The following CEP350 variants were observed in gnomAD, a reference collection of about 807,000 sequenced individuals.
CEP350 encodes the protein centrosomal protein 350, also known as centrosome-associated protein 350.
CEP350 carries 126 observed loss-of-function variants against 331.8 expected under a neutral mutation model. The observed-to-expected ratio is 0.38, with a 90% confidence interval of 0.33 to 0.44. The LOEUF is 0.44. CEP350 is among the 20% of genes least tolerant of loss of function. CEP350 has a pLI of 1.00. For missense variants in CEP350, 3,406 were observed against 3,634.6 expected, an observed-to-expected ratio of 0.94 and a Z score of 1.62; for synonymous variants, 1,200 against 1,259.5, an observed-to-expected ratio of 0.95 and a Z score of 1.00.
chr1:179,986,070 G>A, intron 1 of CEP350, 99 bp from the exon 2 acceptor site: 3 of 887,532 alleles, frequency 3.4e-6, no homozygotes, highest in Non-Finnish European at 5.2e-6. Context: ...ACATCCTAAT[G>A]GGTGTGAAGT....
intron 17 of CEP350, among the ~76,000 whole-genome samples, chr1:180,037,632 T>C (rs1037299078): frequency 6.6e-6 from 1 of 152,090 alleles, no homozygotes; most frequent in Non-Finnish European, 1.5e-5. Flanking sequence ...ATTTTAAGTG[T>C]ACAATTTTGA....
intron 26 of CEP350, among the ~76,000 whole-genome samples, chr1:180,063,186 C>CTTTT (rs35572192): frequency 2.1e-4 from 22 of 106,942 alleles, no homozygotes; most frequent in African/African-American, 2.9e-4. Context: ...AAATTTGAAA[C>CTTTT]TTTTTTTTTT....
chr1:180,010,957 AT>A (rs2148794376), intron 8 of CEP350, among the ~76,000 whole-genome samples: 1 of 151,466 alleles, frequency 6.6e-6, no homozygotes, highest in Admixed American at 6.6e-5. Flanking sequence ...TTCTATGTTT[AT>A]TTTTTGTAGT....
chr1:179,987,135 T>C, intron 2 of CEP350, 105 bp from the exon 3 acceptor site: 1 of 640,596 alleles, frequency 1.6e-6, no homozygotes, highest in Non-Finnish European at 2.7e-6. Flanking sequence ...ATAAGGTAGT[T>C]TTCAGACTTT....
chr1:180,114,566 A>G lies in CEP350; in HGVS notation c.*3405A>G, dbSNP rs1661590407. 6.5e-6 allele frequency: 1 copy of G among 152,672 alleles called. No individual in the cohort carries two copies. Among genetic ancestry groups the G allele is most frequent in the African/African-American group, 2.4e-5 (1 of 41,468 alleles). The allele number at this position is 152,672 out of a possible 1,614,324, so 9.5% of individuals were successfully genotyped here. On this transcript the variant is annotated 3_prime_UTR_variant, in exon 38 of 38. Transcript: ENST00000367607. ...TAGCTTTTCCTTCTGGACTTTGCAA[A>G]GCCTTCTTGGCAAACACATTGCAAA... is the stretch of plus-strand genomic sequence containing the variant.
At chr1:180,013,715 G>T in intron 9 of CEP350, 132 bp from the exon 10 acceptor site, 1 of 744,066 alleles carries the variant, frequency 1.3e-6, no homozygotes, top group East Asian at 2.8e-5. Context: ...ATTTTCTTCA[G>T]AAGACTGTAA....
intron 11 of CEP350, among the ~76,000 whole-genome samples, chr1:180,016,313 G>C (rs1654967483): frequency 6.6e-6 from 1 of 152,162 alleles, no homozygotes; most frequent in Non-Finnish European, 1.5e-5. Flanking sequence ...GGGTTTTTGT[G>C]TCTACTGCTA....
At chr1:179,985,583 T>A (rs961793379) in intron 1 of CEP350, among the ~76,000 whole-genome samples, 2 of 152,124 alleles carry the variant, frequency 1.3e-5, no homozygotes, top group Non-Finnish European at 2.9e-5. Flanking sequence ...TTTAATTGAT[T>A]TACAGCTCTG....
chr1:180,065,289 A>G lies in CEP350; in HGVS notation c.5567+17A>G. 1 of 1,595,702 alleles carries G rather than the reference A, an allele frequency of 6.3e-7. No individual in the cohort carries two copies. Among genetic ancestry groups the G allele is most frequent in the Admixed American group, 1.8e-5 (1 of 55,816 alleles). On this transcript the variant is annotated intron_variant, in intron 27 of 37. Coordinates refer to ENST00000367607, the MANE Select transcript of CEP350 (RefSeq NM_014810.5). Reference sequence around the variant, plus strand: ...GGATGAAAAGTATTTGTTTTTTATAAATATCTCTTGTTTAGTTACATTGAA... The same window carrying G: ...GGATGAAAAGTATTTGTTTTTTATAGATATCTCTTGTTTAGTTACATTGAA...
chr1:180,086,561 A>AT (rs60967302), intron 31 of CEP350, among the ~76,000 whole-genome samples: 1 of 143,408 alleles, frequency 7.0e-6, no homozygotes, highest in Non-Finnish European at 1.6e-5. Context: ...ATATATATAT[A>AT]AAATACATAG....
intron 5 of CEP350, among the ~76,000 whole-genome samples, chr1:179,993,727 G>A (rs1051486657): frequency 8.5e-5 from 13 of 152,124 alleles, no homozygotes; most frequent in African/African-American, 3.1e-4. Flanking sequence ...ACAGTTGTGA[G>A]CCACTGCGGC....
chr1:180,064,969 T>A, intron 26 of CEP350, 146 bp from the exon 27 acceptor site: 1 of 726,234 alleles, frequency 1.4e-6, no homozygotes, highest in Non-Finnish European at 2.0e-6. Context: ...TTTAAGTGTG[T>A]GATATATTTT....
In CEP350 at chr1:180,003,161, TG is replaced by T. The variant is rs1558091514; in HGVS notation, c.1019-11del. 2.2e-5 allele frequency: 34 copies of T among 1,525,024 alleles called. No homozygotes were observed. The East Asian group carries it at 7.4e-4, about 33-fold the overall frequency. The allele number at this position is 1,525,024 out of a possible 1,614,324, so 94.5% of individuals were successfully genotyped here. On this transcript the variant is annotated splice_polypyrimidine_tract_variant and intron_variant, in intron 6 of 37. Coordinates refer to ENST00000367607, the MANE Select transcript of CEP350 (RefSeq NM_014810.5). ...CTTTGATAAGAATATTCTGTGTTACTGGTATGTATTAGGTTTCAACCCTTCA... is the reference window on the plus strand; with the variant it reads ...CTTTGATAAGAATATTCTGTGTTACTGTATGTATTAGGTTTCAACCCTTCA...
At chr1:179,998,326 T>A (rs1289913019) in intron 6 of CEP350, among the ~76,000 whole-genome samples, 4 of 148,236 alleles carry the variant, frequency 2.7e-5, no homozygotes, top group Non-Finnish European at 4.5e-5. Flanking sequence ...TTTTTTTTTT[T>A]AAGACAGAGT....
chr1:179,993,843 T>A (rs562384503), intron 5 of CEP350, among the ~76,000 whole-genome samples: 12 of 152,326 alleles, frequency 7.9e-5, no homozygotes, highest in Non-Finnish European at 1.6e-4. Flanking sequence ...TTAAAACTCT[T>A]ATTACTTTCT....
At position 180,020,827 on chromosome 1, in the gene CEP350, G is replaced by T; in HGVS notation, c.3053G>T (p.Cys1018Phe). 1 of 1,613,120 alleles carries T rather than the reference G, an allele frequency of 6.2e-7. No individual in the cohort carries two copies. The highest frequency in any genetic ancestry group is 8.5e-7 in the Non-Finnish European group (1 of 1,179,730). Residue 1018 changes from cysteine to phenylalanine, a missense_variant, in exon 12 of 38, where the codon TGT becomes TTT. Around this residue, in one of 5 missense-constraint regions of CEP350, gnomAD observed 1,857 missense variants for 1,909.2 expected, o/e 0.97. Transcript: ENST00000367607. ...GAAATTTTAAAAGAAAAGGAATTTTGTCCTGGAGAAAGAAATAGTTATGAA... is the reference window on the plus strand; with the variant it reads ...GAAATTTTAAAAGAAAAGGAATTTTTTCCTGGAGAAAGAAATAGTTATGAA... ...VAEILKEKEF[C>F]PGERNSYEPI...
chr1:180,032,078 TTG>T (rs1656061319), intron 15 of CEP350, among the ~76,000 whole-genome samples: 1 of 152,114 alleles, frequency 6.6e-6, no homozygotes, highest in African/African-American at 2.4e-5. Flanking sequence ...ATTATGGAGC[TTG>T]CGTACTGTTT....
intron 5 of CEP350, 43 bp from the exon 6 acceptor site, chr1:179,996,510 T>G: frequency 2.2e-6 from 3 of 1,369,942 alleles, no homozygotes; most frequent in Non-Finnish European, 3.0e-6. Context: ...GTATACAATA[T>G]ATTATTAATC....
In CEP350 at chr1:180,031,505, T is replaced by G; in HGVS notation, c.3725+11T>G. On this transcript the variant is annotated intron_variant, in intron 15 of 37. Coordinates refer to ENST00000367607, the MANE Select transcript of CEP350 (RefSeq NM_014810.5). ...TGGACATTCTGTGAGGTAATGTATA[T>G]TTTATACTGTAATTTATATATAATT... 8.1e-7 allele frequency: 1 copy of G among 1,240,634 alleles called. No homozygotes were observed. Among genetic ancestry groups the G allele is most frequent in the Non-Finnish European group, 1.1e-6 (1 of 943,178 alleles). 76.9% of individuals were successfully genotyped at this position (1,240,634 alleles called of 1,614,324 possible).
Sources: allele counts gnomAD v4.1 joint callset (sites outside exome capture counted in the v4.1 genomes callset), GRCh38; gene constraint gnomAD v4.1.1; regional missense constraint gnomAD v4.1.1; transcripts MANE v1.5; gene names NCBI Gene and HGNC (gene_info 2026-07-23, HGNC 2026-07-21).